Variants in PTPN9 observed in about 807,000 individuals in gnomAD.
PTPN9 encodes the protein tyrosine-protein phosphatase non-receptor type 9.
A neutral mutation model predicts 69.8 loss-of-function variants in PTPN9; 26 were observed. The observed-to-expected ratio is 0.37, with a 90% confidence interval of 0.27 to 0.52. The LOEUF (loss-of-function observed/expected upper bound fraction) is 0.52. Ranked by LOEUF, PTPN9 falls within the 20% of genes least tolerant of loss-of-function variation. PTPN9 has a pLI of 0.91. For missense variants in PTPN9, 549 were observed against 740.3 expected (o/e 0.74, Z 3.00); for synonymous variants, 274 against 272.5 (o/e 1.01, Z -0.05).
chr15:75,467,434 G>A lies in PTPN9; in HGVS notation c.*1335C>T, dbSNP rs2074541473. The A allele has an allele frequency of 6.6e-6, 1 of 152,578 alleles. No individual in the cohort carries two copies. Among genetic ancestry groups the A allele is most frequent in the African/African-American group, 2.4e-5 (1 of 41,420 alleles). The allele number at this position is 152,578 out of a possible 1,614,324, so 9.5% of individuals were successfully genotyped here. On this transcript the variant is annotated 3_prime_UTR_variant, in exon 13 of 13. Coordinates refer to ENST00000618819, the MANE Select transcript of PTPN9 (RefSeq NM_002833.4). The stretch of plus-strand genomic sequence containing the variant: ...TAGCACATAAGGATGAGTGGGCTGG[G>A]AGCAGGCAGGGACAGGTTGGGTGGG...
chr15:75,530,453 A>ATTATAATATATAATATATTATTATTATT (rs2074950916), intron 1 of PTPN9, among the ~76,000 whole-genome samples: 1 of 101,402 alleles, frequency 9.9e-6, no homozygotes, highest in Non-Finnish European at 1.8e-5. Context: ...TTATTATTAT[A>ATTATAATATATAATATATTATTATTATT]ATAAAATATA....
intron 7 of PTPN9, among the ~76,000 whole-genome samples, chr15:75,498,831 CTG>C (rs1422814853): frequency 6.6e-6 from 1 of 152,136 alleles, no homozygotes; most frequent in African/African-American, 2.4e-5. Flanking sequence ...TGACAGAACT[CTG>C]TATCTTGATT....
intron 1 of PTPN9, among the ~76,000 whole-genome samples, chr15:75,572,128 T>TC (rs1408491283): frequency 2.0e-5 from 3 of 151,970 alleles, no homozygotes; most frequent in African/African-American, 4.8e-5. Flanking sequence ...GGTCAAGAGT[T>TC]CAAGACCAGC....
At chr15:75,471,921 C>A (rs569531856) in intron 10 of PTPN9, among the ~76,000 whole-genome samples, 1 of 151,366 alleles carries the variant, frequency 6.6e-6, no homozygotes, top group African/African-American at 2.4e-5. Flanking sequence ...CCAGCCTGCA[C>A]AATAGAGTGA....
intron 1 of PTPN9, among the ~76,000 whole-genome samples, chr15:75,536,965 G>T (rs75006055): frequency 0.014 from 2,058 of 152,230 alleles, 17 homozygotes; most frequent in Non-Finnish European, 0.02. Context: ...ATGAATGAAT[G>T]AATTAATTAT....
intron 7 of PTPN9, among the ~76,000 whole-genome samples, chr15:75,495,875 T>C (rs772465995): frequency 4.6e-5 from 7 of 152,146 alleles, no homozygotes; most frequent in Non-Finnish European, 1.0e-4. Flanking sequence ...TAGTGGCTCA[T>C]TCCTGTAATC....
intron 1 of PTPN9, among the ~76,000 whole-genome samples, chr15:75,549,729 C>T (rs1595967791): frequency 6.6e-6 from 1 of 152,018 alleles, no homozygotes; most frequent in Admixed American, 6.6e-5. Context: ...ACTGTCTAGA[C>T]CTTGGAAGGC....
intron 7 of PTPN9, among the ~76,000 whole-genome samples, chr15:75,494,896 C>T (rs1290836657): frequency 3.3e-5 from 5 of 151,844 alleles, no homozygotes; most frequent in African/African-American, 9.7e-5. Context: ...TGATGGCACA[C>T]GCCTGTAGTC....
chr15:75,506,100 G>A, intron 6 of PTPN9, 97 bp from the exon 7 acceptor site: 1 of 970,578 alleles, frequency 1.0e-6, no homozygotes, highest in Non-Finnish European at 1.5e-6. Context: ...TTGGAGGATG[G>A]GATAAGATTT....
intron 4 of PTPN9, among the ~76,000 whole-genome samples, chr15:75,518,887 A>T (rs2074886834): frequency 6.6e-6 from 1 of 152,108 alleles, no homozygotes; most frequent in African/African-American, 2.4e-5. Context: ...AGATACAGAA[A>T]GTATTCCTCA....
chr15:75,539,891 G>A (rs1277137308), intron 1 of PTPN9, among the ~76,000 whole-genome samples: 1 of 152,004 alleles, frequency 6.6e-6, no homozygotes, highest in African/African-American at 2.4e-5. Context: ...GGCTGGTCTC[G>A]AACTCCTGGC....
intron 1 of PTPN9, among the ~76,000 whole-genome samples, chr15:75,562,150 G>A (rs2075106572): frequency 6.6e-6 from 1 of 152,136 alleles, no homozygotes; most frequent in Non-Finnish European, 1.5e-5. Flanking sequence ...ACTGCGCCTG[G>A]CCAAGATGGA....
rs141871316 is a variant in PTPN9 at position 75,468,242 on chromosome 15, G to GCACACA, written c.*521_*526dup. ...TACATATGGACCCATACACATAAGT[G>GCACACA]CACACACACACACACACAGAATGAC... On this transcript the variant is annotated 3_prime_UTR_variant, in exon 13 of 13. Coordinates refer to ENST00000618819, the MANE Select transcript of PTPN9 (RefSeq NM_002833.4). 6.4e-6 allele frequency: 1 copy of GCACACA among 156,642 alleles called. No homozygotes were observed. The highest frequency in any genetic ancestry group is 1.4e-5 in the Non-Finnish European group (1 of 70,610). The allele number at this position is 156,642 out of a possible 1,614,324, so 9.7% of individuals were successfully genotyped here. A position where few individuals can be genotyped will look rare whatever the true frequency, so the allele number is the denominator to read the frequency against.
intron 5 of PTPN9, chr15:75,512,979 G>A (rs1405670704): frequency 2.5e-6 from 1 of 399,778 alleles, no homozygotes; most frequent in Non-Finnish European, 4.9e-6. Flanking sequence ...CGCCACTTAA[G>A]TTTCACTGTC....
chr15:75,557,436 C>A (rs1390125068), intron 1 of PTPN9, among the ~76,000 whole-genome samples: 3 of 146,876 alleles, frequency 2.0e-5, no homozygotes, highest in African/African-American at 7.5e-5. Context: ...AAAAAAAAAA[C>A]ACAAAAAAAC....
chr15:75,537,753 CAAAAAA>C lies in PTPN9; in HGVS notation c.64-10498_64-10493del, dbSNP rs1164644727. On this transcript the variant is annotated intron_variant, in intron 1 of 12. Transcript: ENST00000618819. ...AGGGCAACAGAGGGAGACTCCATCT[CAAAAAA>C]AAAAAAAAAAAAAAAAAGGCCAGGC... Among the ~76,000 whole-genome samples, 79 of 11,388 alleles carry C rather than the reference CAAAAAA, an allele frequency of 6.9e-3. 2 individuals carry two copies. Among genetic ancestry groups the C allele is most frequent in the African/African-American group, 0.03 (66 of 2,196 alleles). The allele number at this position is 11,388 out of a possible 152,430, so 7.5% of individuals were successfully genotyped here.
intron 1 of PTPN9, among the ~76,000 whole-genome samples, chr15:75,554,395 T>C (rs2075068331): frequency 6.6e-6 from 1 of 151,932 alleles, no homozygotes; most frequent in Non-Finnish European, 1.5e-5. Flanking sequence ...GGTTTCTCCA[T>C]GTTGGTCAGG....
In PTPN9 at chr15:75,578,838, C is replaced by A; in HGVS notation, c.-62G>T. 1 of 1,118,458 alleles carries A rather than the reference C, an allele frequency of 8.9e-7. No individual in the cohort carries two copies. Among genetic ancestry groups the A allele is most frequent in the South Asian group, 4.4e-5 (1 of 22,732 alleles). The allele number at this position is 1,118,458 out of a possible 1,614,324, so 69.3% of individuals were successfully genotyped here. A position where few individuals can be genotyped will look rare whatever the true frequency, so the allele number is the denominator to read the frequency against. ...CGCGAGCGCGGGAGCCCGGCGCGCT[C>A]GGCCTCCGCTTCCGCGTCCCCGCGC... On this transcript the variant is annotated 5_prime_UTR_variant, in exon 1 of 13. Coordinates refer to ENST00000618819, the MANE Select transcript of PTPN9 (RefSeq NM_002833.4).
intron 1 of PTPN9, among the ~76,000 whole-genome samples, chr15:75,558,369 T>A (rs1470113185): frequency 6.6e-6 from 1 of 150,638 alleles, no homozygotes; most frequent in South Asian, 2.1e-4. Context: ...TAGCTGGGCG[T>A]GGTGGCACAC....
Sources: allele counts gnomAD v4.1 joint callset (sites outside exome capture counted in the v4.1 genomes callset), GRCh38; gene constraint gnomAD v4.1.1; transcripts MANE v1.5; gene names NCBI Gene and HGNC (gene_info 2026-07-23, HGNC 2026-07-21).